BCLAF3: variants seen among roughly 807,000 people sequenced by gnomAD.
BCLAF3 encodes the protein BCLAF1 and THRAP3 family member 3.
A neutral mutation model predicts 51.2 loss-of-function variants in BCLAF3; 24 were observed. The ratio of observed to expected loss-of-function variants is 0.47; its 90% CI spans 0.34 to 0.66. The LOEUF (loss-of-function observed/expected upper bound fraction) is 0.66. Among genes scored for constraint, BCLAF3 ranks in the 30% least tolerant of loss-of-function variants. The probability of loss-of-function intolerance (pLI) is 0.01; values close to 1 mark genes in which losing one functional copy is unlikely to be tolerated. For missense variants in BCLAF3, 465 were observed against 525.1 expected (o/e 0.89, Z 1.12); for synonymous variants, 152 against 176.6 (o/e 0.86, Z 1.10).
chrX:19,966,174 C>T lies in BCLAF3; in HGVS notation c.517G>A (p.Glu173Lys). Residue 173 changes from glutamate to lysine, a missense_variant, in exon 3 of 12, where the codon GAG (glutamate) becomes AAG (lysine). Glu to Lys is a moderately conservative substitution (Grantham distance 56). Coordinates refer to ENST00000379682, the MANE Select transcript of BCLAF3 (RefSeq NM_001367774.2). ...TCTTGTATCCTCTGGTGCCTCAACTCATCTTCATGCCACTTTCCTTCAAAT... is the reference window on the plus strand; with the variant it reads ...TCTTGTATCCTCTGGTGCCTCAACTTATCTTCATGCCACTTTCCTTCAAAT... ...FRFEGKWHED[E>K]LRHQRIQEEK... The T allele has an allele frequency of 1.7e-6, 2 of 1,211,520 alleles. No individual in the cohort carries two copies. Among genetic ancestry groups the T allele is most frequent in the Non-Finnish European group, 2.2e-6 (2 of 895,334 alleles).
chrX:19,969,050 T>C (rs2072166411), intron 2 of BCLAF3, among the ~76,000 whole-genome samples: 1 of 111,566 alleles, frequency 9.0e-6, no homozygotes, highest in African/African-American at 3.3e-5. Flanking sequence ...GAGACGGAGC[T>C]TGCAGTGAGC....
At chrX:19,980,306 A>C (rs1480901854) in intron 1 of BCLAF3, among the ~76,000 whole-genome samples, 7 of 112,422 alleles carry the variant, frequency 6.2e-5, no homozygotes, top group Non-Finnish European at 9.4e-5. Context: ...TCAGTATCAG[A>C]TTATGAGATT....
intron 11 of BCLAF3, among the ~76,000 whole-genome samples, chrX:19,920,178 T>C (rs758345871): frequency 1.8e-5 from 2 of 112,196 alleles, no homozygotes; most frequent in Non-Finnish European, 3.8e-5. Flanking sequence ...ATGTATCGCA[T>C]GTGTTGTCAC....
intron 7 of BCLAF3, 147 bp downstream of exon 7, chrX:19,952,841 C>T (rs1158873543): frequency 6.7e-6 from 3 of 447,420 alleles, no homozygotes; most frequent in Non-Finnish European, 1.1e-5. Flanking sequence ...TCAGAATCAC[C>T]TGAAGACTTT....
rs1459169474 is a variant in BCLAF3 at position 19,949,088 on chromosome X, A to G, written c.1745+1665T>C. 6.3e-5 allele frequency among the ~76,000 whole-genome samples: 7 copies of G among 111,728 alleles called. No individual in the cohort carries two copies. The East Asian group carries it at 1.7e-3, about 27-fold the overall frequency. ...CACTATGCCTCACCACCTATCCAAT[A>G]CAAATAAAATAATCCAACAGACCCA... On this transcript the variant is annotated intron_variant, in intron 8 of 11. Transcript: ENST00000379682.
intron 8 of BCLAF3, 132 bp from the exon 9 acceptor site, chrX:19,937,664 A>C (rs1693485696): frequency 1.0e-5 from 4 of 396,943 alleles, no homozygotes; most frequent in Non-Finnish European, 1.8e-5. Context: ...TCAATGATCT[A>C]TCACTACTAA....
chrX:19,940,102 C>T (rs1259591456), intron 8 of BCLAF3, among the ~76,000 whole-genome samples: 1 of 111,311 alleles, frequency 9.0e-6, no homozygotes, highest in Non-Finnish European at 1.9e-5. Flanking sequence ...TATATTTTGC[C>T]ACAATACAAA....
At chrX:19,985,572 G>A (rs1358553258) in intron 1 of BCLAF3, among the ~76,000 whole-genome samples, 1 of 110,342 alleles carries the variant, frequency 9.1e-6, no homozygotes, top group Non-Finnish European at 1.9e-5. Context: ...GTGACAGAGT[G>A]AGACCCTGCC....
chrX:19,925,486 C>T (rs2070326336), intron 11 of BCLAF3, among the ~76,000 whole-genome samples: 1 of 111,157 alleles, frequency 9.0e-6, no homozygotes, highest in South Asian at 3.9e-4. Flanking sequence ...AATGATGCAT[C>T]CTTAATGAGT....
chrX:19,955,676 T>TA (rs1304081094), intron 4 of BCLAF3, 110 bp from the exon 5 acceptor site: 15 of 599,540 alleles, frequency 2.5e-5, no homozygotes, highest in Admixed American at 4.8e-5. Flanking sequence ...TCTTTTCTTA[T>TA]AATTAAGGCA....
At chrX:19,970,936 G>T (rs780208859) in intron 1 of BCLAF3, among the ~76,000 whole-genome samples, 1 of 111,659 alleles carries the variant, frequency 9.0e-6, no homozygotes, top group Non-Finnish European at 1.9e-5. Context: ...AAATTACCCA[G>T]AATTCCTCTA....
intron 1 of BCLAF3, among the ~76,000 whole-genome samples, chrX:19,972,069 G>C (rs1453353753): frequency 8.9e-6 from 1 of 112,239 alleles, no homozygotes; most frequent in East Asian, 2.8e-4. Flanking sequence ...AATTCATTTA[G>C]TTATACACAG....
chrX:19,986,953 C>T (rs950619859), intron 1 of BCLAF3, among the ~76,000 whole-genome samples: 1 of 109,830 alleles, frequency 9.1e-6, no homozygotes, highest in Non-Finnish European at 1.9e-5. Flanking sequence ...TAGGTGCATA[C>T]CCCATACCCA....
chrX:19,920,745 C>T (rs914253439), intron 11 of BCLAF3, among the ~76,000 whole-genome samples: 41 of 107,843 alleles, frequency 3.8e-4, no homozygotes, highest in Non-Finnish European at 6.9e-4. Context: ...CACTTAAGCC[C>T]GGGAGGTGGA....
intron 8 of BCLAF3, among the ~76,000 whole-genome samples, chrX:19,948,787 G>A (rs1163683421): frequency 3.8e-5 from 4 of 104,717 alleles, no homozygotes. Context: ...AAAAAAAAAA[G>A]AAAAGAAAAA....
intron 8 of BCLAF3, among the ~76,000 whole-genome samples, chrX:19,948,510 A>T (rs978157651): frequency 4.5e-5 from 5 of 110,595 alleles, no homozygotes; most frequent in Non-Finnish European, 9.5e-5. Context: ...TCATGCCTGT[A>T]CTCCCAGCAC....
chrX:19,926,973 T>C (rs1054279395), intron 11 of BCLAF3, among the ~76,000 whole-genome samples: 1 of 111,630 alleles, frequency 9.0e-6, no homozygotes, highest in African/African-American at 3.3e-5. Context: ...ACACCTGTAA[T>C]GCCAGCACTT....
At chrX:19,969,070 G>A (rs896936268) in intron 2 of BCLAF3, among the ~76,000 whole-genome samples, 1 of 111,709 alleles carries the variant, frequency 9.0e-6, no homozygotes, top group Non-Finnish European at 1.9e-5. Flanking sequence ...CTGAGATCAC[G>A]CCATTGCACT....
intron 1 of BCLAF3, among the ~76,000 whole-genome samples, chrX:19,980,918 G>A (rs1442678030): frequency 9.8e-6 from 1 of 101,875 alleles, no homozygotes; most frequent in African/African-American, 3.7e-5. Flanking sequence ...CAGCCTGGGC[G>A]ACAGAGTAAG....
Sources: allele counts gnomAD v4.1 joint callset (sites outside exome capture counted in the v4.1 genomes callset), GRCh38; gene constraint gnomAD v4.1.1; transcripts MANE v1.5; gene names NCBI Gene and HGNC (gene_info 2026-07-23, HGNC 2026-07-21).